The following DIS3L2 variants were observed in gnomAD, a reference collection of about 807,000 sequenced individuals.
The protein encoded by DIS3L2 is DIS3-like exonuclease 2.
In DIS3L2, 34 loss-of-function variants were observed where a neutral mutation model predicts 97.5. The observed-to-expected ratio is 0.35, with a 90% confidence interval of 0.27 to 0.46. The LOEUF (loss-of-function observed/expected upper bound fraction) is 0.46, where lower values mean the gene tolerates loss of function less well. Among genes scored for constraint, DIS3L2 ranks in the 20% least tolerant of loss-of-function variants. The pLI, the probability that DIS3L2 is intolerant of heterozygous loss-of-function variation, is 1.00. For missense variants in DIS3L2, 1,038 were observed against 1,146.0 expected (o/e 0.91, Z 1.36); for synonymous variants, 435 against 445.2 (o/e 0.98, Z 0.29).
intron 10 of DIS3L2, 53 bp downstream of exon 10, chr2:232,210,458 T>C: frequency 6.6e-7 from 1 of 1,524,194 alleles, no homozygotes; most frequent in East Asian, 2.3e-5. Flanking sequence ...TGCATGCCTG[T>C]GTGGTTAGCC....
intron 13 of DIS3L2, among the ~76,000 whole-genome samples, chr2:232,289,281 GC>G (rs1206951433): frequency 6.7e-6 from 1 of 148,658 alleles, no homozygotes; most frequent in Non-Finnish European, 1.5e-5. Context: ...TCCAGGCCTT[GC>G]CCAGTTACTG....
intron 15 of DIS3L2, among the ~76,000 whole-genome samples, chr2:232,330,209 A>G (rs1396791966): frequency 6.6e-6 from 1 of 152,222 alleles, no homozygotes; most frequent in African/African-American, 2.4e-5. Flanking sequence ...GGACTGTGCC[A>G]AGCGGGGGGA....
At chr2:232,315,563 C>G (rs1695249637) in intron 14 of DIS3L2, among the ~76,000 whole-genome samples, 1 of 151,934 alleles carries the variant, frequency 6.6e-6, no homozygotes, top group Non-Finnish European at 1.5e-5. Context: ...GGCTTTGTGG[C>G]TTTTTCTTGG....
At position 232,163,495 on chromosome 2, in the gene DIS3L2, T is replaced by A. The variant is rs1183529588; in HGVS notation, c.987T>A (p.Ile329=). Residue 329 remains isoleucine (I), a synonymous_variant, in exon 9 of 21, where the codon ATT becomes ATA. Coordinates refer to ENST00000325385, the MANE Select transcript of DIS3L2 (RefSeq NM_152383.5). ...LAKSLGQAGE[I]EPETEGILTE... ...AGAGTCTTGGGCAGGCTGGTGAAAT[T>A]GAGCCTGAAACAGAAGGAATACTAA... The A allele has an allele frequency of 6.2e-7, 1 of 1,614,136 alleles. No individual in the cohort carries two copies. The highest frequency in any genetic ancestry group is 1.1e-5 in the South Asian group (1 of 91,070).
At chr2:232,194,603 A>G (rs1691698778) in intron 9 of DIS3L2, among the ~76,000 whole-genome samples, 1 of 152,240 alleles carries the variant, frequency 6.6e-6, no homozygotes, top group African/African-American at 2.4e-5. Context: ...TGTACGTTCT[A>G]AGAATTGACT....
rs915971823 is a variant in DIS3L2 at position 232,037,622 on chromosome 2, C to T, written c.366+7542C>T. Among the ~76,000 whole-genome samples the T allele has an allele frequency of 2.0e-5, 3 of 152,300 alleles. No individual in the cohort carries two copies. The highest frequency in any genetic ancestry group is 2.9e-5 in the Non-Finnish European group (2 of 68,020). ...GCAGCTAGCTCGGTGTCTGCCCAAA[C>T]GTCTGCCCAGTTTTGTACTTGAAAC... On this transcript the variant is annotated intron_variant, in intron 5 of 20. Transcript: ENST00000325385. The surrounding 1 kb of genome is among the most constrained non-coding windows in gnomAD (Gnocchi z 4.6).
intron 14 of DIS3L2, among the ~76,000 whole-genome samples, chr2:232,305,681 G>A (rs564082727): frequency 1.3e-4 from 20 of 152,102 alleles, no homozygotes; most frequent in South Asian, 1.2e-3. Flanking sequence ...TAGGCTGTGC[G>A]CAGTGGCTCA....
At chr2:232,161,196 G>A (rs6437051) in intron 8 of DIS3L2, among the ~76,000 whole-genome samples, 121,705 of 151,768 alleles carry the variant, frequency 0.8, 49,439 homozygotes, top group African/African-American at 0.91. Context: ...GATTACAGGC[G>A]TGAGCCACCG....
At chr2:232,093,926 G>A (rs928682092) in intron 6 of DIS3L2, among the ~76,000 whole-genome samples, 3 of 151,742 alleles carry the variant, frequency 2.0e-5, no homozygotes, top group Admixed American at 6.6e-5. Context: ...TGCTTTTCTA[G>A]TTCTTTAAGA....
chr2:232,324,055 T>A (rs2106342145), intron 14 of DIS3L2, among the ~76,000 whole-genome samples: 1 of 152,202 alleles, frequency 6.6e-6, no homozygotes, highest in South Asian at 2.1e-4. Context: ...TCCACCACAC[T>A]ACACTCAATT....
intron 9 of DIS3L2, among the ~76,000 whole-genome samples, chr2:232,195,556 G>C (rs957282312): frequency 3.4e-5 from 5 of 148,838 alleles, no homozygotes; most frequent in Non-Finnish European, 4.5e-5. Context: ...GGGTGCGGTG[G>C]GGTGGGGTGG....
intron 5 of DIS3L2, among the ~76,000 whole-genome samples, chr2:232,062,632 T>C (rs1300540113): frequency 1.3e-5 from 2 of 152,146 alleles, no homozygotes; most frequent in African/African-American, 4.8e-5. Flanking sequence ...AACTTTCTCT[T>C]TGCTATCCCT....
intron 1 of DIS3L2, among the ~76,000 whole-genome samples, chr2:231,966,097 C>G (rs1223696672): frequency 6.6e-6 from 1 of 151,936 alleles, no homozygotes; most frequent in Non-Finnish European, 1.5e-5. Flanking sequence ...ATAGATCCCT[C>G]TGAGGTCTGG....
At chr2:231,982,631 T>C in intron 1 of DIS3L2, among the ~76,000 whole-genome samples, 1 of 152,152 alleles carries the variant, frequency 6.6e-6, no homozygotes, top group East Asian at 1.9e-4. Context: ...TCCTTTATCA[T>C]ATACTAAATA....
intron 5 of DIS3L2, among the ~76,000 whole-genome samples, chr2:232,078,009 CTTTCTTTCTTTT>C (rs1214922803): frequency 2.7e-4 from 28 of 102,352 alleles, no homozygotes; most frequent in Non-Finnish European, 4.4e-4. Context: ...TTCTTTCTTT[CTTTCTTTCTTTT>C]TCTCTTTCTC....
chr2:232,219,600 A>G (rs1377340080), intron 10 of DIS3L2, among the ~76,000 whole-genome samples: 1 of 152,100 alleles, frequency 6.6e-6, no homozygotes. Context: ...TCTCAGTGGT[A>G]CCTATAAGAT....
chr2:232,272,094 C>A (rs964707211), intron 13 of DIS3L2, among the ~76,000 whole-genome samples: 1 of 152,130 alleles, frequency 6.6e-6, no homozygotes, highest in African/African-American at 2.4e-5. Flanking sequence ...TTATTATAAC[C>A]CTGAACTCTT....
At chr2:232,328,788 G>T (rs570138332) in intron 14 of DIS3L2, 1 of 152,340 alleles carries the variant, frequency 6.6e-6, no homozygotes, top group Admixed American at 6.5e-5. Context: ...GGTCACCAAG[G>T]CATGAGGACA....
chr2:232,338,334 C>T (rs1696029976), downstream of DIS3L2, among the ~76,000 whole-genome samples: 1 of 152,200 alleles, frequency 6.6e-6, no homozygotes, highest in Non-Finnish European at 1.5e-5. Context: ...TATGTCCCAG[C>T]GCCCCCAGGC....
Sources: gnomAD v4.1 joint callset for allele counts (sites outside exome capture counted in the v4.1 genomes callset) on GRCh38, gnomAD v4.1.1 for gene constraint, Gnocchi (gnomAD v3.1) non-coding constraint, MANE v1.5 for transcripts, NCBI Gene and HGNC (gene_info 2026-07-23, HGNC 2026-07-21) for gene names.